Variants in CRTAP observed in about 807,000 individuals in gnomAD.
The protein encoded by CRTAP is cartilage-associated protein.
CRTAP carries 33 observed loss-of-function variants against 42.7 expected under a neutral mutation model. The ratio of observed to expected loss-of-function variants is 0.77; its 90% CI spans 0.59 to 1.03. The LOEUF is 1.03. CRTAP is among the 50% of genes least tolerant of loss of function. CRTAP has a pLI of 0.00. For synonymous variants in CRTAP, 243 were observed against 217.7 expected, an observed-to-expected ratio of 1.12 and a Z score of -1.02; for missense variants, 613 against 533.9, an observed-to-expected ratio of 1.15 and a Z score of -1.46.
chr3:33,114,846 C>T (rs1701325895), intron 1 of CRTAP, among the ~76,000 whole-genome samples: 1 of 152,234 alleles, frequency 6.6e-6, no homozygotes, highest in African/African-American at 2.4e-5. Flanking sequence ...TGAGGGCAGA[C>T]GCCTCTTTTC....
chr3:33,138,611 C>A (rs1453504659), intron 6 of CRTAP, among the ~76,000 whole-genome samples: 15 of 152,128 alleles, frequency 9.9e-5, no homozygotes, highest in Non-Finnish European at 2.9e-5. Context: ...TGTATTGATT[C>A]TGCAAACTTG....
At chr3:33,127,681 C>A (rs2030117822) in intron 3 of CRTAP, among the ~76,000 whole-genome samples, 1 of 152,190 alleles carries the variant, frequency 6.6e-6, no homozygotes, top group East Asian at 1.9e-4. Flanking sequence ...CTCCTGACCT[C>A]AGGTGATCCA....
chr3:33,141,838 G>A (rs1231691020), intron 6 of CRTAP, among the ~76,000 whole-genome samples: 1 of 152,214 alleles, frequency 6.6e-6, no homozygotes. Flanking sequence ...TGGGCAAGTG[G>A]ATCCCACTAT....
At chr3:33,127,222 G>T (rs2030098476) in intron 3 of CRTAP, among the ~76,000 whole-genome samples, 1 of 151,404 alleles carries the variant, frequency 6.6e-6, no homozygotes. Flanking sequence ...GAGGTCCTGA[G>T]ATTTATTTTC....
rs537175032 is a variant in CRTAP, at chr3:33,132,513, G to A, written c.923-42G>A. Reference sequence around the variant, plus strand: ...TAGAAGCAGAGAAATTATAGGGTGTGGTTTGCTGATTTCTTCATTTGTCTT... The same window carrying A: ...TAGAAGCAGAGAAATTATAGGGTGTAGTTTGCTGATTTCTTCATTTGTCTT... On this transcript the variant is annotated intron_variant, in intron 4 of 6. Coordinates refer to ENST00000320954, the MANE Select transcript of CRTAP (RefSeq NM_006371.5). 10 of 1,612,564 alleles carry A rather than the reference G, an allele frequency of 6.2e-6. No homozygotes were observed. In the South Asian group the frequency reaches 1.1e-4, roughly 18 times the overall value.
intron 3 of CRTAP, 30 bp downstream of exon 3, chr3:33,124,609 C>T (rs749791395): frequency 2.5e-6 from 4 of 1,612,624 alleles, no homozygotes; most frequent in Non-Finnish European, 2.5e-6. Context: ...GCTCACTACT[C>T]CCATGGAATA....
intron 3 of CRTAP, among the ~76,000 whole-genome samples, chr3:33,124,940 T>C (rs9822573): frequency 0.81 from 123,728 of 152,218 alleles, 50,386 homozygotes; most frequent in East Asian, 0.97. Flanking sequence ...CCAACACATA[T>C]AAAGGTAGAA....
intron 1 of CRTAP, among the ~76,000 whole-genome samples, chr3:33,118,759 G>A (rs1473577746): frequency 6.6e-6 from 1 of 152,328 alleles, no homozygotes; most frequent in Non-Finnish European, 1.5e-5. Flanking sequence ...CAGCATGGGG[G>A]CCCTCTGGTT....
chr3:33,122,850 C>A (rs1171373608), intron 2 of CRTAP, among the ~76,000 whole-genome samples: 1 of 152,076 alleles, frequency 6.6e-6, no homozygotes, highest in Non-Finnish European at 1.5e-5. Flanking sequence ...ATGGAGGGTC[C>A]CATGCTTATT....
rs554560897 is a variant in CRTAP, at chr3:33,125,571, GA to G, written c.793+994del. Among the ~76,000 whole-genome samples, 357 of 129,804 alleles carry G rather than the reference GA, an allele frequency of 2.8e-3. 1 individual carries two copies. Among genetic ancestry groups the G allele is most frequent in the African/African-American group, 9.6e-3 (328 of 34,014 alleles). 85.2% of individuals were successfully genotyped at this position (129,804 alleles called of 152,430 possible). On this transcript the variant is annotated intron_variant, in intron 3 of 6. Transcript: ENST00000320954. ...TTCAAACATACACAAAAAACAGAGA[GA>G]AGAGTAGATAAACCACCATGTACCC...
chr3:33,129,323 T>C (rs1245421920), intron 3 of CRTAP, among the ~76,000 whole-genome samples: 4 of 152,218 alleles, frequency 2.6e-5, no homozygotes, highest in Admixed American at 2.6e-4. Flanking sequence ...TTTTGCAATT[T>C]GGTAGTTTAA....
intron 3 of CRTAP, among the ~76,000 whole-genome samples, chr3:33,129,535 CTTTTTTT>C (rs753545426): frequency 1.5e-4 from 17 of 115,714 alleles, no homozygotes; most frequent in African/African-American, 4.6e-4. Context: ...TTTTCTTTTT[CTTTTTTT>C]TTTTTTTTTT....
Position 33,142,480 on chromosome 3 carries a change from G to T in CRTAP, c.*32G>T. On this transcript the variant is annotated 3_prime_UTR_variant, in exon 7 of 7. Transcript: ENST00000320954. ...GCAACCAAAGAGACTTCCTCTTGGCGTTCAGGAAACACAGATTCTTTGTCC... is the reference window on the plus strand; with the variant it reads ...GCAACCAAAGAGACTTCCTCTTGGCTTTCAGGAAACACAGATTCTTTGTCC... The T allele has an allele frequency of 6.2e-7, 1 of 1,607,324 alleles. No individual in the cohort carries two copies.
chr3:33,122,175 G>A (rs1175593580), intron 2 of CRTAP, among the ~76,000 whole-genome samples: 1 of 152,102 alleles, frequency 6.6e-6, no homozygotes, highest in Non-Finnish European at 1.5e-5. Flanking sequence ...GGCTTATCTG[G>A]AATTCAGCTA....
chr3:33,125,500 T>TTG lies in CRTAP; in HGVS notation c.793+922_793+923insGT, dbSNP rs569793863. Among the ~76,000 whole-genome samples the TTG allele has an allele frequency of 1.6e-4, 23 of 145,852 alleles. No homozygotes were observed. In the South Asian group the frequency reaches 4.0e-3, roughly 25 times the overall value. ...TCTTTCTACAAAGTAGGTTTTTTTTTTTTTTTTTTTTTTTTGCCTTAAGAA... is the reference window on the plus strand; with the variant it reads ...TCTTTCTACAAAGTAGGTTTTTTTTTTGTTTTTTTTTTTTTTTGCCTTAAGAA... On this transcript the variant is annotated intron_variant, in intron 3 of 6. Transcript: ENST00000320954.
In CRTAP at chr3:33,146,447, C is replaced by T. The variant is rs2030725734; in HGVS notation, c.*3999C>T. 6.6e-6 allele frequency: 1 copy of T among 152,296 alleles called. No homozygotes were observed. The highest frequency in any genetic ancestry group is 2.1e-4 in the South Asian group (1 of 4,832). The allele number at this position is 152,296 out of a possible 1,614,324, so 9.4% of individuals were successfully genotyped here. A position where few individuals can be genotyped will look rare whatever the true frequency, so the allele number is the denominator to read the frequency against. ...CTTGTGGCCACTGCTACTGTTCACACTTGACTTGTGGAGAAGCGAAGGGCT... is the reference window on the plus strand; with the variant it reads ...CTTGTGGCCACTGCTACTGTTCACATTTGACTTGTGGAGAAGCGAAGGGCT... On this transcript the variant is annotated 3_prime_UTR_variant, in exon 7 of 7. Transcript: ENST00000320954.
intron 3 of CRTAP, among the ~76,000 whole-genome samples, chr3:33,129,390 T>C (rs559274095): frequency 2.6e-5 from 4 of 152,312 alleles, no homozygotes; most frequent in African/African-American, 9.6e-5. Flanking sequence ...TGTCTCTCAA[T>C]GTTTTTTAGA....
intron 4 of CRTAP, 51 bp downstream of exon 4, chr3:33,130,118 C>T (rs1273556155): frequency 6.4e-7 from 1 of 1,567,058 alleles, no homozygotes; most frequent in South Asian, 1.1e-5. Flanking sequence ...CCTTCTAAGA[C>T]TGTAAAATAG....
intron 1 of CRTAP, 105 bp from the exon 2 acceptor site, chr3:33,120,239 G>C: frequency 9.4e-7 from 1 of 1,063,316 alleles, no homozygotes; most frequent in Admixed American, 1.7e-5. Flanking sequence ...AGCTGGAAAA[G>C]TTATAGCAAC....
Sources: allele counts gnomAD v4.1 joint callset (sites outside exome capture counted in the v4.1 genomes callset), GRCh38; gene constraint gnomAD v4.1.1; transcripts MANE v1.5; gene names NCBI Gene and HGNC (gene_info 2026-07-23, HGNC 2026-07-21).